FRMPD1: variants seen among roughly 807,000 people sequenced by gnomAD.
The protein encoded by FRMPD1 is FERM and PDZ domain containing 1, also known as FERM and PDZ domain-containing protein 1.
A neutral mutation model predicts 117.8 loss-of-function variants in FRMPD1; 76 were observed. That is an observed-to-expected ratio of 0.65 (90% CI 0.54 to 0.78). The LOEUF (loss-of-function observed/expected upper bound fraction) is 0.78, where lower values mean the gene tolerates loss of function less well. FRMPD1 is among the 30% of genes least tolerant of loss of function. FRMPD1 has a pLI of 0.00. For synonymous variants in FRMPD1, 783 were observed against 770.4 expected (o/e 1.02, Z -0.27); for missense variants, 1,786 against 1,964.5 (o/e 0.91, Z 1.72).
intron 12 of FRMPD1, among the ~76,000 whole-genome samples, chr9:37,734,545 G>C (rs1824037017): frequency 6.6e-6 from 1 of 151,990 alleles, no homozygotes. Flanking sequence ...CTCCAGCACT[G>C]TCAGCCCCAG....
chr9:37,627,982 T>TTATAACGG, the FRMPD1 span, among the ~76,000 whole-genome samples: 1 of 152,208 alleles, frequency 6.6e-6, no homozygotes, highest in African/African-American at 2.4e-5. Context: ...TATTAGGTGC[T>TTATAACGG]CAGGAATAGG....
Position 37,680,037 on chromosome 9 carries a change from TGA to T in FRMPD1, c.-4-12600_-4-12599del, listed in dbSNP as rs1392289902. 2.0e-5 allele frequency among the ~76,000 whole-genome samples: 3 copies of T among 152,208 alleles called. No individual in the cohort carries two copies. In the East Asian group the frequency reaches 5.8e-4, roughly 29 times the overall value. ...TATCTGGTAAAGTGGATGACTTGTGTGACCAACTTCCAGTCTTCTACTAGGAG... is the reference window on the plus strand; with the variant it reads ...TATCTGGTAAAGTGGATGACTTGTGTCCAACTTCCAGTCTTCTACTAGGAG... On this transcript the variant is annotated intron_variant, in intron 1 of 15. Transcript: ENST00000377765.
chr9:37,664,299 A>G (rs1210706495), intron 1 of FRMPD1, among the ~76,000 whole-genome samples: 1 of 148,380 alleles, frequency 6.7e-6, no homozygotes, highest in East Asian at 2.1e-4. Context: ...GTATGTATGT[A>G]TGTATGTATT....
rs765831714 is a variant in FRMPD1 at position 37,737,224 on chromosome 9, C to T, written c.1530C>T (p.His510=). ...FLWPGNKQQA[H]RVSAEEGYES... ...GGCCTGGAAACAAACAACAAGCGCA[C>T]CGGGTATCTGCAGAAGAAGGTGAGG... is the stretch of plus-strand genomic sequence containing the variant. The change falls in exon 14 of 16, where the codon CAC becomes CAT. Residue 510 remains histidine (H), a synonymous_variant. Transcript: ENST00000377765. The T allele has an allele frequency of 1.4e-5, 23 of 1,613,904 alleles. No individual in the cohort carries two copies. In the South Asian group the frequency reaches 2.1e-4, roughly 15 times the overall value.
intron 1 of FRMPD1, among the ~76,000 whole-genome samples, chr9:37,674,901 G>C (rs2117868450): frequency 6.6e-6 from 1 of 152,296 alleles, no homozygotes; most frequent in South Asian, 2.1e-4. Flanking sequence ...CGAGGACCCA[G>C]CCAAACCAAA....
intron 2 of FRMPD1, among the ~76,000 whole-genome samples, chr9:37,705,572 C>T (rs1822674038): frequency 1.3e-5 from 2 of 152,206 alleles, no homozygotes; most frequent in African/African-American, 2.4e-5. Context: ...GCTGGGATTA[C>T]AGGCATGAGG....
chr9:37,686,633 C>T (rs1427187005), intron 1 of FRMPD1, among the ~76,000 whole-genome samples: 1 of 152,190 alleles, frequency 6.6e-6, no homozygotes, highest in Non-Finnish European at 1.5e-5. Context: ...AGGTACCTGC[C>T]TACTCACAGT....
In FRMPD1 at chr9:37,745,008, A is replaced by C; in HGVS notation, c.2976A>C (p.Leu992=). The change falls in exon 16 of 16, where the codon CTA becomes CTC. Residue 992 remains leucine, a synonymous_variant. Coordinates refer to ENST00000377765, the MANE Select transcript of FRMPD1 (RefSeq NM_014907.3). ...AQARPSQILP[L]SQDLDGIAPK... Reference sequence around the variant, plus strand: ...CAAGGCCTTCCCAAATCTTACCTCTATCTCAAGACCTGGATGGGATTGCCC... The same window carrying C: ...CAAGGCCTTCCCAAATCTTACCTCTCTCTCAAGACCTGGATGGGATTGCCC... The C allele has an allele frequency of 6.2e-7, 1 of 1,614,136 alleles. No individual in the cohort carries two copies. Among genetic ancestry groups the C allele is most frequent in the Non-Finnish European group, 8.5e-7 (1 of 1,180,016 alleles).
chr9:37,746,211 G>A lies in FRMPD1; in HGVS notation c.4179G>A (p.Leu1393=), dbSNP rs776264639. ...CCCACAGCTGCACCACCGCACCCCT[G>A]TCGAGGAAAAGCCACATCTGGCCAG... ...ARAHSCTTAP[L]SRKSHIWPEY... is the part of the protein sequence containing the mutation. The change falls in exon 16 of 16, where the codon CTG becomes CTA. Residue 1393 remains leucine, a synonymous_variant. Coordinates refer to ENST00000377765, the MANE Select transcript of FRMPD1 (RefSeq NM_014907.3). 4 of 1,613,256 alleles carry A rather than the reference G, an allele frequency of 2.5e-6. No homozygotes were observed. The highest frequency in any genetic ancestry group is 3.3e-5 in the Admixed American group (2 of 60,018).
chr9:37,613,691 T>C, the FRMPD1 span, among the ~76,000 whole-genome samples: 1 of 152,234 alleles, frequency 6.6e-6, no homozygotes, highest in Non-Finnish European at 1.5e-5. Context: ...CTCACATTCT[T>C]TCAAGCACCT....
intron 1 of FRMPD1, among the ~76,000 whole-genome samples, chr9:37,680,724 A>G (rs1821698118): frequency 6.6e-6 from 1 of 152,142 alleles, no homozygotes; most frequent in African/African-American, 2.4e-5. Flanking sequence ...GGCTCAGAGA[A>G]CCTAGAGAAC....
At chr9:37,635,112 G>A in the FRMPD1 span, among the ~76,000 whole-genome samples, 1 of 152,096 alleles carries the variant, frequency 6.6e-6, no homozygotes, top group African/African-American at 2.4e-5. Context: ...TATTGAAATT[G>A]CCATTATGAC....
At chr9:37,708,344 A>G (rs140480412) in intron 3 of FRMPD1, 55 bp from the exon 4 acceptor site, 2 of 1,079,356 alleles carry the variant, frequency 1.9e-6, no homozygotes, top group Non-Finnish European at 2.9e-6. Context: ...GCTATTACAC[A>G]TAGAGTCTGG....
chr9:37,677,386 A>G (rs1025385982), intron 1 of FRMPD1, among the ~76,000 whole-genome samples: 1 of 152,266 alleles, frequency 6.6e-6, no homozygotes, highest in Non-Finnish European at 1.5e-5. Flanking sequence ...GGTGGCAAGC[A>G]GCTTCATATG....
chr9:37,608,212 G>A, the FRMPD1 span, among the ~76,000 whole-genome samples: 2 of 152,130 alleles, frequency 1.3e-5, no homozygotes, highest in African/African-American at 4.8e-5. Context: ...CCTTTTCAAA[G>A]CTTGACATAA....
At chr9:37,652,374 A>G (rs989442605) in intron 1 of FRMPD1, among the ~76,000 whole-genome samples, 4 of 152,200 alleles carry the variant, frequency 2.6e-5, no homozygotes, top group African/African-American at 9.7e-5. Context: ...AGCACGAGGT[A>G]GTTAACTGTG....
At chr9:37,690,014 C>T (rs1822077780) in intron 1 of FRMPD1, among the ~76,000 whole-genome samples, 1 of 151,890 alleles carries the variant, frequency 6.6e-6, no homozygotes, top group African/African-American at 2.4e-5. Flanking sequence ...CTAGGGTGGG[C>T]AATTAGTATA....
the FRMPD1 span, among the ~76,000 whole-genome samples, chr9:37,627,928 T>C: frequency 6.6e-6 from 1 of 152,280 alleles, no homozygotes; most frequent in African/African-American, 2.4e-5. Context: ...TTCAACTCAA[T>C]TCAACAAACA....
intron 5 of FRMPD1, among the ~76,000 whole-genome samples, chr9:37,712,411 A>G (rs1463057997): frequency 2.6e-5 from 4 of 152,158 alleles, no homozygotes; most frequent in Non-Finnish European, 5.9e-5. Context: ...ACTGGAGTGC[A>G]ATGGCGTGAT....
Sources: allele counts gnomAD v4.1 joint callset (sites outside exome capture counted in the v4.1 genomes callset), GRCh38; gene constraint gnomAD v4.1.1; transcripts MANE v1.5; gene names NCBI Gene and HGNC (gene_info 2026-07-23, HGNC 2026-07-21).